The following TLR8 variants were observed in gnomAD, a reference collection of about 807,000 sequenced individuals.
TLR8 encodes the protein toll-like receptor 8.
Under a neutral mutation model 18.5 loss-of-function variants are expected in TLR8, and 5 were observed. That is an observed-to-expected ratio of 0.27 (90% confidence interval 0.14 to 0.57). The LOEUF (loss-of-function observed/expected upper bound fraction) is 0.57, where lower values mean the gene tolerates loss of function less well. TLR8 is among the 20% of genes least tolerant of loss of function. TLR8 has a pLI of 0.92. For synonymous variants in TLR8, 299 were observed against 300.1 expected (o/e 1.00, Z 0.04); for missense variants, 543 against 769.8 (o/e 0.71, Z 3.49).
chrX:12,921,553 T>G lies in TLR8; in HGVS notation c.2513T>G (p.Ile838Ser), dbSNP rs771586732. Residue 838 changes from isoleucine to serine, a missense_variant, in exon 2 of 2, where the codon ATC becomes AGC. Coordinates refer to ENST00000218032, the MANE Select transcript of TLR8 (RefSeq NM_138636.5). ...AVILFFFTFF[I>S]TTMVMLAALA... Reference sequence around the variant, plus strand: ...ATATTATTTTTCTTCACGTTCTTTATCACCACCATGGTTATGTTGGCTGCC... The same window carrying G: ...ATATTATTTTTCTTCACGTTCTTTAGCACCACCATGGTTATGTTGGCTGCC... The G allele has an allele frequency of 8.2e-7, 1 of 1,212,169 alleles. No homozygotes were observed. Among genetic ancestry groups the G allele is most frequent in the East Asian group, 3.0e-5 (1 of 33,873 alleles).
At position 12,909,026 on chromosome X, in the gene TLR8, T is replaced by C. The variant is rs780038334; in HGVS notation, c.3+2317T>C. On this transcript the variant is annotated intron_variant, in intron 1 of 1. Transcript: ENST00000218032. ...CCCACAGTTAGTCTTTGAAACGCAG[T>C]TGGACATTATTTGTAAGTGCATCAT... Among the ~76,000 whole-genome samples the C allele has an allele frequency of 2.9e-4, 33 of 112,204 alleles. No individual in the cohort carries two copies. The Middle Eastern group carries it at 0.014, about 47-fold the overall frequency.
At chrX:12,913,797 G>C (rs1169860901) in intron 1 of TLR8, among the ~76,000 whole-genome samples, 2 of 112,042 alleles carry the variant, frequency 1.8e-5, no homozygotes, top group East Asian at 5.6e-4. Context: ...TGTTAATTTA[G>C]ATTCCTGCCA....
rs766077025 is a variant in TLR8 at position 12,919,879 on chromosome X, G to T, written c.839G>T (p.Arg280Leu). ...GGTGGTGCTTCAATTAATATAGATC[G>T]TTTTGCTTTTCAAAACTTGACCCAA... Reference protein sequence around the residue: ...CDGGASINIDRFAFQNLTQLR... With the variant: ...CDGGASINIDLFAFQNLTQLR... The change falls in exon 2 of 2, where the codon CGT (arginine) becomes CTT (leucine). Residue 280 changes from arginine (R) to leucine (L), a missense_variant. Transcript: ENST00000218032. 1 of 1,211,116 alleles carries T rather than the reference G, an allele frequency of 8.3e-7. No homozygotes were observed. The highest frequency in any genetic ancestry group is 2.2e-5 in the Admixed American group (1 of 45,909).
intron 1 of TLR8, 81 bp from the exon 2 acceptor site, chrX:12,918,963 G>C (rs972563471): frequency 2.1e-4 from 210 of 1,011,469 alleles, no homozygotes; most frequent in Non-Finnish European, 2.6e-4. Flanking sequence ...CAAGTATGGG[G>C]CAGCGCTGCT....
At chrX:12,907,120 C>T (rs1234945281) in intron 1 of TLR8, among the ~76,000 whole-genome samples, 1 of 112,522 alleles carries the variant, frequency 8.9e-6, no homozygotes, top group African/African-American at 3.2e-5. Flanking sequence ...AGGACAAACT[C>T]TCTTCCTTCA....
In TLR8 at chrX:12,919,083, T is replaced by A; in HGVS notation, c.43T>A (p.Phe15Ile). ...TCAGTCGTCAATGCTGACCTGCATT[T>A]TCCTGCTAATATCTGGTTCCTGTGA... ...FLQSSMLTCI[F>I]LLISGSCELC... The change falls in exon 2 of 2, where the codon TTC becomes ATC. Residue 15 changes from phenylalanine (F) to isoleucine (I), a missense_variant. By Grantham distance (21) the Phe-to-Ile change is conservative. Coordinates refer to ENST00000218032, the MANE Select transcript of TLR8 (RefSeq NM_138636.5). The A allele has an allele frequency of 8.3e-7, 1 of 1,209,383 alleles. No individual in the cohort carries two copies. The highest frequency in any genetic ancestry group is 1.1e-6 in the Non-Finnish European group (1 of 894,338).
Position 12,922,293 on chromosome X carries a change from C to A in TLR8, c.*127C>A. The A allele has an allele frequency of 1.1e-6, 1 of 938,311 alleles. No homozygotes were observed. Among genetic ancestry groups the A allele is most frequent in the Non-Finnish European group, 1.4e-6 (1 of 694,419 alleles). The allele number at this position is 938,311 out of a possible 1,213,427, so 77.3% of individuals were successfully genotyped here. ...TGGTTTAAAACAACACATTTGCTGG[C>A]CCACAGTTTTTGAGGGTCAGGAGTC... On this transcript the variant is annotated 3_prime_UTR_variant, in exon 2 of 2. Coordinates refer to ENST00000218032, the MANE Select transcript of TLR8 (RefSeq NM_138636.5).
chrX:12,914,320 A>G (rs1278222051), intron 1 of TLR8, among the ~76,000 whole-genome samples: 1 of 111,743 alleles, frequency 8.9e-6, no homozygotes, highest in African/African-American at 3.3e-5. Context: ...TGAAGTGTGG[A>G]AGATCCTTTA....
chrX:12,909,293 T>A (rs1327416848), intron 1 of TLR8, among the ~76,000 whole-genome samples: 1 of 112,405 alleles, frequency 8.9e-6, no homozygotes, highest in Non-Finnish European at 1.9e-5. Context: ...ATTATGCATT[T>A]GTTTTTTAGC....
chrX:12,919,236 A>G lies in TLR8; in HGVS notation c.196A>G (p.Thr66Ala), dbSNP rs375512332. ...EVPQTVGKYV[T>A]ELDLSDNFIT... ...TCCCCAAACGGTGGGCAAATATGTG[A>G]CAGAACTAGACCTGTCTGATAATTT... Residue 66 changes from threonine to alanine, a missense_variant, in exon 2 of 2, where the codon ACA becomes GCA. Transcript: ENST00000218032. 3.9e-4 allele frequency: 478 copies of G among 1,210,300 alleles called. No homozygotes were observed. Among genetic ancestry groups the G allele is most frequent in the Non-Finnish European group, 5.0e-4 (450 of 895,273 alleles).
chrX:12,913,454 C>T (rs1455564258), intron 1 of TLR8, among the ~76,000 whole-genome samples: 1 of 112,635 alleles, frequency 8.9e-6, no homozygotes, highest in African/African-American at 3.2e-5. Flanking sequence ...TTATCTGCAA[C>T]TCAAATACAG....
At chrX:12,910,157 A>G (rs1191541833) in intron 1 of TLR8, 1 of 442,398 alleles carries the variant, frequency 2.3e-6, no homozygotes, top group Non-Finnish European at 3.7e-6. Flanking sequence ...TCAGTGGTCA[A>G]CATTGTTAAC....
In TLR8 at chrX:12,919,140, T is replaced by C; in HGVS notation, c.100T>C (p.Tyr34His). The C allele has an allele frequency of 8.3e-7, 1 of 1,211,934 alleles. No homozygotes were observed. The highest frequency in any genetic ancestry group is 1.1e-6 in the Non-Finnish European group (1 of 895,571). ...CGCCGAAGAAAATTTTTCTAGAAGC[T>C]ATCCTTGTGATGAGAAAAAGCAAAA... ...LCAEENFSRS[Y>H]PCDEKKQNDS... Residue 34 changes from tyrosine (Y) to histidine (H), a missense_variant, in exon 2 of 2, where the codon TAT (tyrosine) becomes CAT (histidine). By Grantham distance (83) the Tyr-to-His change is moderately conservative. Around this residue, in one of 4 missense-constraint regions of TLR8, gnomAD observed 117 missense variants for 111.0 expected, o/e 1.05. Transcript: ENST00000218032.
intron 1 of TLR8, chrX:12,910,573 G>A (rs998706170): frequency 5.5e-6 from 4 of 721,386 alleles, no homozygotes; most frequent in Non-Finnish European, 8.1e-6. Context: ...TCTGGTCTCC[G>A]CCCTGGCTGC....
intron 1 of TLR8, among the ~76,000 whole-genome samples, chrX:12,912,085 T>TC (rs201420509): frequency 0.034 from 3,168 of 92,597 alleles, 106 homozygotes; most frequent in African/African-American, 0.12. Context: ...TCTCTCTCTC[T>TC]TTCTCTCTAT....
Position 12,920,196 on chromosome X carries a change from G to A in TLR8, c.1156G>A (p.Asp386Asn). The change falls in exon 2 of 2, where the codon GAT (aspartate) becomes AAT (asparagine). Residue 386 changes from aspartate to asparagine, a missense_variant. Asp to Asn is a conservative substitution (Grantham distance 23). Transcript: ENST00000218032. ...TGTGTTCCAGGAACTCAGAGAAGAT[G>A]ATTTCCAGCCCCTGATGCAGCTTCC... ...GYVFQELREDDFQPLMQLPNL... is the reference protein window; with the variant it reads ...GYVFQELREDNFQPLMQLPNL... 9.9e-6 allele frequency: 12 copies of A among 1,210,716 alleles called. No individual in the cohort carries two copies. The highest frequency in any genetic ancestry group is 1.2e-5 in the Non-Finnish European group (11 of 894,800).
intron 1 of TLR8, among the ~76,000 whole-genome samples, chrX:12,912,796 T>C (rs2147255118): frequency 8.9e-6 from 1 of 112,683 alleles, no homozygotes; most frequent in Admixed American, 9.3e-5. Flanking sequence ...CTTTAGACTC[T>C]CCCAGAGGCT....
At position 12,919,277 on chromosome X, in the gene TLR8, G is replaced by T; in HGVS notation, c.237G>T (p.Thr79=). The T allele has an allele frequency of 8.3e-7, 1 of 1,211,739 alleles. No individual in the cohort carries two copies. Among genetic ancestry groups the T allele is most frequent in the Non-Finnish European group, 1.1e-6 (1 of 895,506 alleles). ...DLSDNFITHI[T]NESFQGLQNL... is the part of the protein sequence containing the mutation. ...CTGATAATTTCATCACACACATAAC[G>T]AATGAATCATTTCAAGGGCTGCAAA... Residue 79 remains threonine (T), a synonymous_variant, in exon 2 of 2, where the codon ACG becomes ACT. Coordinates refer to ENST00000218032, the MANE Select transcript of TLR8 (RefSeq NM_138636.5).
Position 12,918,375 on chromosome X carries a change from A to G in TLR8, c.4-669A>G, listed in dbSNP as rs5744075. 2.4e-3 allele frequency among the ~76,000 whole-genome samples: 272 copies of G among 111,768 alleles called. 5 individuals carry two copies. The highest frequency in any genetic ancestry group is 8.1e-3 in the African/African-American group (250 of 30,749). On this transcript the variant is annotated intron_variant, in intron 1 of 1. Coordinates refer to ENST00000218032, the MANE Select transcript of TLR8 (RefSeq NM_138636.5). ...AGTGTCATGTCAGTAGGTTGGTGCT[A>G]TAAATATATAGCTTGCAAAGCTATA...
Sources: allele counts gnomAD v4.1 joint callset (sites outside exome capture counted in the v4.1 genomes callset), GRCh38; gene constraint gnomAD v4.1.1; regional missense constraint gnomAD v4.1.1; transcripts MANE v1.5; gene names NCBI Gene and HGNC (gene_info 2026-07-23, HGNC 2026-07-21).